Variants in SLC22A24 observed in about 807,000 individuals in gnomAD.
SLC22A24 encodes solute carrier family 22 member 24.
Under a neutral mutation model 49.8 loss-of-function variants are expected in SLC22A24, and 53 were observed. The observed-to-expected ratio is 1.06, with a 90% confidence interval of 0.85 to 1.34. The LOEUF is 1.34. Ranked by LOEUF, SLC22A24 falls within the 40% of genes most tolerant of loss-of-function variation. SLC22A24 has a pLI of 0.00. For missense variants in SLC22A24, 786 were observed against 675.9 expected, an observed-to-expected ratio of 1.16 and a Z score of -1.81; for synonymous variants, 302 against 256.4, an observed-to-expected ratio of 1.18 and a Z score of -1.70.
chr11:63,102,912 A>G (rs2087099818), intron 5 of SLC22A24, among the ~76,000 whole-genome samples: 1 of 152,060 alleles, frequency 6.6e-6, no homozygotes, highest in Non-Finnish European at 1.5e-5. Flanking sequence ...TGCTATCATT[A>G]TTGTATGCTG....
At chr11:63,092,725 A>C (rs915012764) in intron 6 of SLC22A24, among the ~76,000 whole-genome samples, 5 of 151,420 alleles carry the variant, frequency 3.3e-5, no homozygotes, top group African/African-American at 1.2e-4. Context: ...GTAAAACCCC[A>C]AAACCATAAA....
At chr11:63,121,741 A>G (rs1236904781) in intron 2 of SLC22A24, among the ~76,000 whole-genome samples, 3 of 151,832 alleles carry the variant, frequency 2.0e-5, no homozygotes, top group Non-Finnish European at 2.9e-5. Flanking sequence ...GCACCCATTA[A>G]CTCATCATTT....
chr11:63,107,412 T>G (rs1426537134), intron 4 of SLC22A24, among the ~76,000 whole-genome samples: 1 of 152,158 alleles, frequency 6.6e-6, no homozygotes, highest in Non-Finnish European at 1.5e-5. Context: ...CTTGGCAATG[T>G]GGGCTCTTTT....
intron 1 of SLC22A24, among the ~76,000 whole-genome samples, chr11:63,141,790 C>A (rs775253777): frequency 6.6e-6 from 1 of 152,168 alleles, no homozygotes; most frequent in Non-Finnish European, 1.5e-5. Context: ...ATTCTTGCTG[C>A]ACTTTATGCA....
At position 63,143,663 on chromosome 11, in the gene SLC22A24, G is replaced by A; in HGVS notation, c.117C>T (p.Asn39=). The A allele has an allele frequency of 6.3e-7, 1 of 1,598,286 alleles. No individual in the cohort carries two copies. The highest frequency in any genetic ancestry group is 8.5e-7 in the Non-Finnish European group (1 of 1,172,900). The change falls in exon 1 of 10, where the codon AAC becomes AAT. Residue 39 remains asparagine, a synonymous_variant. Transcript: ENST00000612278. ...ILLFPNIVLE[N]FTAFTPSHRC... ...GATGACTAGGGGTGAATGCAGTGAA[G>A]TTCTCCAACACAATATTAGGGAACA...
intron 4 of SLC22A24, among the ~76,000 whole-genome samples, chr11:63,112,884 G>A (rs2087176525): frequency 6.6e-6 from 1 of 150,900 alleles, no homozygotes; most frequent in Non-Finnish European, 1.5e-5. Context: ...GCATGGTGAT[G>A]AGTGCCTGTA....
At chr11:63,107,929 T>C (rs1335833876) in intron 4 of SLC22A24, among the ~76,000 whole-genome samples, 1 of 152,134 alleles carries the variant, frequency 6.6e-6, no homozygotes, top group Non-Finnish European at 1.5e-5. Flanking sequence ...CTTTATTTCC[T>C]TCTCCTGCCT....
intron 4 of SLC22A24, among the ~76,000 whole-genome samples, chr11:63,109,234 T>TCCA (rs1448953793): frequency 0.012 from 1,714 of 147,052 alleles, 122 homozygotes; most frequent in Admixed American, 0.11. Context: ...ATTTTCTTAA[T>TCCA]CCAGTCTATC....
At chr11:63,138,471 T>C (rs2087391031) in intron 1 of SLC22A24, among the ~76,000 whole-genome samples, 2 of 151,958 alleles carry the variant, frequency 1.3e-5, no homozygotes, top group South Asian at 2.1e-4. Flanking sequence ...TGAAACCCTG[T>C]CTCTACTAAA....
At chr11:63,107,363 T>C (rs1294288677) in intron 4 of SLC22A24, among the ~76,000 whole-genome samples, 1 of 152,216 alleles carries the variant, frequency 6.6e-6, no homozygotes, top group South Asian at 2.1e-4. Flanking sequence ...AGTCAGGTAG[T>C]GTGATGCCTC....
At chr11:63,137,603 TG>T (rs1245303084) in intron 1 of SLC22A24, among the ~76,000 whole-genome samples, 1 of 152,218 alleles carries the variant, frequency 6.6e-6, no homozygotes, top group Non-Finnish European at 1.5e-5. Flanking sequence ...AGGCTGATAT[TG>T]GGTACTGAAT....
At chr11:63,107,715 C>G (rs1383729856) in intron 4 of SLC22A24, among the ~76,000 whole-genome samples, 1 of 152,062 alleles carries the variant, frequency 6.6e-6, no homozygotes, top group Non-Finnish European at 1.5e-5. Flanking sequence ...GGAGTTCACT[C>G]ATGATATGGC....
intron 2 of SLC22A24, among the ~76,000 whole-genome samples, chr11:63,133,631 G>C (rs1357251340): frequency 6.6e-6 from 1 of 151,742 alleles, no homozygotes; most frequent in East Asian, 1.9e-4. Context: ...GTCATCCTAG[G>C]TTCTTTTTTT....
At chr11:63,095,755 T>A (rs2087050364) in intron 6 of SLC22A24, among the ~76,000 whole-genome samples, 1 of 152,242 alleles carries the variant, frequency 6.6e-6, no homozygotes, top group South Asian at 2.1e-4. Context: ...TATCCAGTGA[T>A]AAACTTTGTG....
intron 2 of SLC22A24, among the ~76,000 whole-genome samples, chr11:63,122,162 A>G (rs190533064): frequency 1.9e-3 from 291 of 152,296 alleles, no homozygotes; most frequent in Non-Finnish European, 3.1e-3. Context: ...CTATTGGAAG[A>G]AAGCATTTCT....
At chr11:63,116,620 G>A (rs2087214932) in intron 4 of SLC22A24, among the ~76,000 whole-genome samples, 2 of 152,114 alleles carry the variant, frequency 1.3e-5, no homozygotes, top group South Asian at 4.1e-4. Context: ...TTTCTTGGGT[G>A]TGTAGATTAA....
chr11:63,082,444 C>T (rs759251230), intron 7 of SLC22A24, among the ~76,000 whole-genome samples: 1 of 152,132 alleles, frequency 6.6e-6, no homozygotes, highest in Non-Finnish European at 1.5e-5. Flanking sequence ...AGGCATGGAG[C>T]CCACCAGTCT....
intron 2 of SLC22A24, among the ~76,000 whole-genome samples, chr11:63,124,960 G>T (rs1398194484): frequency 6.6e-6 from 1 of 151,660 alleles, no homozygotes; most frequent in Non-Finnish European, 1.5e-5. Flanking sequence ...TTGCGGGGTG[G>T]GGGGAGTGGG....
chr11:63,099,209 T>A (rs1027667826), intron 5 of SLC22A24, among the ~76,000 whole-genome samples: 69 of 151,902 alleles, frequency 4.5e-4, no homozygotes, highest in African/African-American at 1.5e-3. Flanking sequence ...ATATTTAAAA[T>A]TTTTTTGAGT....
Sources: gnomAD v4.1 joint callset for allele counts (sites outside exome capture counted in the v4.1 genomes callset) on GRCh38, gnomAD v4.1.1 for gene constraint, MANE v1.5 for transcripts, NCBI Gene and HGNC (gene_info 2026-07-23, HGNC 2026-07-21) for gene names.